Variants in TRPM3 observed in about 807,000 individuals in gnomAD.
TRPM3 encodes transient receptor potential cation channel subfamily M member 3.
A neutral mutation model predicts 181.2 loss-of-function variants in TRPM3; 77 were observed. That is an observed-to-expected ratio of 0.42 (90% CI 0.35 to 0.51). TRPM3 has a LOEUF of 0.51. Among genes scored for constraint, TRPM3 ranks in the 20% least tolerant of loss-of-function variants. TRPM3 has a pLI of 0.01. For synonymous variants in TRPM3, 745 were observed against 796.4 expected, an observed-to-expected ratio of 0.94 and a Z score of 1.09; for missense variants, 1,759 against 2,196.7, an observed-to-expected ratio of 0.80 and a Z score of 3.98.
At position 71,291,213 on chromosome 9, in the gene TRPM3, C is replaced by T. The variant is rs185977352; in HGVS notation, c.183+155440G>A. On this transcript the variant is annotated intron_variant, in intron 1 of 24. Transcript: ENST00000357533. ...CTGAAATCTTAAAATACAGGAAAAT[C>T]CCCAAATATACCAGTTTTTCCAAAA... 3.2e-3 allele frequency among the ~76,000 whole-genome samples: 485 copies of T among 152,200 alleles called. 1 individual carries two copies. Among genetic ancestry groups the T allele is most frequent in the African/African-American group, 0.011 (462 of 41,534 alleles).
intron 18 of TRPM3, among the ~76,000 whole-genome samples, chr9:70,614,986 A>T (rs1338940162): frequency 6.6e-6 from 1 of 152,242 alleles, no homozygotes; most frequent in Non-Finnish European, 1.5e-5. Flanking sequence ...TTCATTCAGT[A>T]AGTCAGGGAT....
chr9:71,221,190 C>G (rs1157882903), intron 1 of TRPM3, among the ~76,000 whole-genome samples: 1 of 152,204 alleles, frequency 6.6e-6, no homozygotes, highest in Admixed American at 6.5e-5. Context: ...CCTGACTCTT[C>G]CCTGTTCTGT....
At chr9:70,612,298 C>A (rs2062112346) in intron 18 of TRPM3, among the ~76,000 whole-genome samples, 1 of 152,158 alleles carries the variant, frequency 6.6e-6, no homozygotes, top group Admixed American at 6.5e-5. Context: ...ATTTTTATTA[C>A]ATGTGAAGAC....
chr9:70,552,783 G>C, intron 24 of TRPM3, 61 bp downstream of exon 24: 1 of 1,564,936 alleles, frequency 6.4e-7, no homozygotes, highest in Non-Finnish European at 8.8e-7. Context: ...CTGCGTGATT[G>C]CCTATAGGAA....
At chr9:70,826,504 T>A (rs1378565810) in intron 6 of TRPM3, 1 of 152,192 alleles carries the variant, frequency 6.6e-6, no homozygotes, top group East Asian at 1.9e-4. Context: ...GTGAAAAATA[T>A]GAAACCATGA....
intron 1 of TRPM3, among the ~76,000 whole-genome samples, chr9:71,414,842 G>A (rs1210374052): frequency 6.6e-6 from 1 of 152,046 alleles, no homozygotes; most frequent in African/African-American, 2.4e-5. Context: ...AAGACCATAT[G>A]TGCTTTGAGG....
At chr9:70,585,959 C>G (rs1364951689) in intron 22 of TRPM3, among the ~76,000 whole-genome samples, 2 of 152,208 alleles carry the variant, frequency 1.3e-5, no homozygotes, top group East Asian at 3.8e-4. Context: ...ACTCTACCAT[C>G]AGCCATACTA....
At position 70,625,393 on chromosome 9, in the gene TRPM3, C is replaced by G. The variant is rs1272822778; in HGVS notation, c.1669-62G>C. 1 of 1,607,008 alleles carries G rather than the reference C, an allele frequency of 6.2e-7. No individual in the cohort carries two copies. Among genetic ancestry groups the G allele is most frequent in the East Asian group, 2.2e-5 (1 of 44,780 alleles). ...AAGACAACGTGGTTTACTAGGGATT[C>G]TACTTCACGTATTCTGTAACTAGAG... On this transcript the variant is annotated intron_variant, in intron 13 of 25. Coordinates refer to ENST00000677713, the MANE Select transcript of TRPM3 (RefSeq NM_001366145.2). The surrounding 1 kb of genome is among the most constrained non-coding windows in gnomAD (Gnocchi z 4.8).
intron 1 of TRPM3, among the ~76,000 whole-genome samples, chr9:71,323,617 T>C (rs534465293): frequency 6.6e-6 from 1 of 152,150 alleles, no homozygotes; most frequent in East Asian, 1.9e-4. Flanking sequence ...GAATTTGAAC[T>C]GAGACAAAAA....
chr9:71,419,349 T>C (rs749669232), intron 1 of TRPM3, among the ~76,000 whole-genome samples: 2 of 151,962 alleles, frequency 1.3e-5, no homozygotes, highest in Non-Finnish European at 2.9e-5. Context: ...GCTGTTCAGA[T>C]GTTTCAAGAC....
chr9:71,059,838 C>T (rs1432349705), intron 1 of TRPM3, among the ~76,000 whole-genome samples: 1 of 152,016 alleles, frequency 6.6e-6, no homozygotes, highest in Non-Finnish European at 1.5e-5. Flanking sequence ...TTAAAATAAA[C>T]CTTTACACAC....
chr9:71,204,339 C>G (rs1280159876), intron 1 of TRPM3, among the ~76,000 whole-genome samples: 1 of 151,918 alleles, frequency 6.6e-6, no homozygotes, highest in Non-Finnish European at 1.5e-5. Flanking sequence ...TATCCAGAAT[C>G]TACAATGAAC....
chr9:70,646,527 A>G (rs1162231851), intron 9 of TRPM3, among the ~76,000 whole-genome samples: 3 of 152,220 alleles, frequency 2.0e-5, no homozygotes, highest in East Asian at 3.9e-4. Flanking sequence ...ATGAGAACAC[A>G]TGGGCACAGG....
chr9:70,576,792 C>A (rs140661480), intron 22 of TRPM3, among the ~76,000 whole-genome samples: 1 of 152,128 alleles, frequency 6.6e-6, no homozygotes, highest in Non-Finnish European at 1.5e-5. Context: ...GGATTACAGG[C>A]GTGAGCCACC....
At chr9:71,362,289 T>C (rs920267171) in intron 1 of TRPM3, among the ~76,000 whole-genome samples, 1 of 152,182 alleles carries the variant, frequency 6.6e-6, no homozygotes, top group Non-Finnish European at 1.5e-5. Context: ...TGGGAGGAGA[T>C]GCACCTATAG....
chr9:71,170,389 C>G (rs1008800884), intron 1 of TRPM3, among the ~76,000 whole-genome samples: 1 of 152,148 alleles, frequency 6.6e-6, no homozygotes, highest in Non-Finnish European at 1.5e-5. Flanking sequence ...AGTAGCAGCA[C>G]TGTGGATTAA....
intron 1 of TRPM3, among the ~76,000 whole-genome samples, chr9:71,136,002 T>A (rs775299920): frequency 6.6e-6 from 1 of 152,260 alleles, no homozygotes; most frequent in Non-Finnish European, 1.5e-5. Context: ...AAGTGTGATT[T>A]AATTAACATC....
At chr9:71,043,245 A>T (rs747765747) in intron 1 of TRPM3, among the ~76,000 whole-genome samples, 1 of 151,938 alleles carries the variant, frequency 6.6e-6, no homozygotes, top group Admixed American at 6.6e-5. Context: ...CTATATTCCA[A>T]CTCTGGTAGT....
chr9:71,346,572 G>T (rs1401581929), intron 1 of TRPM3, among the ~76,000 whole-genome samples: 1 of 152,182 alleles, frequency 6.6e-6, no homozygotes, highest in African/African-American at 2.4e-5. Context: ...AAGATAAAAA[G>T]AATTTTAACT....
Sources: gnomAD v4.1 joint callset for allele counts (sites outside exome capture counted in the v4.1 genomes callset) on GRCh38, gnomAD v4.1.1 for gene constraint, Gnocchi (gnomAD v3.1) non-coding constraint, MANE v1.5 for transcripts, NCBI Gene and HGNC (gene_info 2026-07-23, HGNC 2026-07-21) for gene names.